Variants in DOCK10 observed in about 807,000 individuals in gnomAD.
DOCK10 encodes dedicator of cytokinesis 10, also known as dedicator of cytokinesis protein 10.
A neutral mutation model predicts 280.1 loss-of-function variants in DOCK10; 145 were observed. The ratio of observed to expected loss-of-function variants is 0.52; its 90% CI spans 0.45 to 0.59. DOCK10 has a LOEUF of 0.59. Among genes scored for constraint, DOCK10 ranks in the 20% least tolerant of loss-of-function variants. DOCK10 has a pLI of 0.00. For missense variants in DOCK10, 2,368 were observed against 2,651.7 expected, an observed-to-expected ratio of 0.89 and a Z score of 2.35; for synonymous variants, 915 against 942.2, an observed-to-expected ratio of 0.97 and a Z score of 0.53.
chr2:225,002,821 G>A (rs921820578), intron 1 of DOCK10, among the ~76,000 whole-genome samples: 1 of 152,144 alleles, frequency 6.6e-6, no homozygotes, highest in Non-Finnish European at 1.5e-5. Context: ...GATCGGGCAG[G>A]TGTAAACATC....
chr2:225,014,097 T>G (rs925734757), intron 1 of DOCK10, among the ~76,000 whole-genome samples: 6 of 60,196 alleles, frequency 1.0e-4, no homozygotes, highest in Non-Finnish European at 1.9e-4. Flanking sequence ...TTTTTTTTTT[T>G]GTTTTTTTTT....
chr2:224,809,760 G>A (rs995936442), intron 31 of DOCK10, among the ~76,000 whole-genome samples: 10 of 151,710 alleles, frequency 6.6e-5, no homozygotes, highest in Non-Finnish European at 7.4e-5. Flanking sequence ...GGTGGAATAC[G>A]GTCATTATAG....
intron 1 of DOCK10, among the ~76,000 whole-genome samples, chr2:224,975,309 G>A (rs1364168670): frequency 6.6e-6 from 1 of 152,084 alleles, no homozygotes; most frequent in Admixed American, 6.6e-5. Flanking sequence ...TAGTTCACAA[G>A]GGAAAATACC....
At chr2:224,978,949 TTTTCC>T (rs71062968) in intron 1 of DOCK10, among the ~76,000 whole-genome samples, 36,783 of 151,890 alleles carry the variant, frequency 0.24, 4,971 homozygotes, top group South Asian at 0.32. Context: ...CTCTGACACC[TTTTCC>T]TTTCCCACAC....
intron 15 of DOCK10, 30 bp from the exon 16 acceptor site, chr2:224,855,072 C>A (rs1158854623): frequency 1.0e-6 from 1 of 1,000,732 alleles, no homozygotes; most frequent in Non-Finnish European, 1.5e-6. Context: ...AGGACACACA[C>A]ACACACACAC....
chr2:224,819,384 CTACTT>C, intron 29 of DOCK10, 57 bp downstream of exon 29: 1 of 1,119,056 alleles, frequency 8.9e-7, no homozygotes, highest in Non-Finnish European at 1.3e-6. Context: ...TCCACAGAGA[CTACTT>C]TATTTATTTA....
chr2:224,797,784 G>T (rs1281639001), intron 42 of DOCK10, 48 bp downstream of exon 42: 9 of 1,591,772 alleles, frequency 5.7e-6, no homozygotes, highest in Non-Finnish European at 7.7e-6. Flanking sequence ...TATTCTATGG[G>T]TTTACTGTCA....
In DOCK10 at chr2:224,841,915, A is replaced by G. The variant is rs745968895; in HGVS notation, c.2569-19T>C. 2 of 1,555,646 alleles carry G rather than the reference A, an allele frequency of 1.3e-6. No homozygotes were observed. The highest frequency in any genetic ancestry group is 8.9e-7 in the Non-Finnish European group (1 of 1,126,972). On this transcript the variant is annotated intron_variant, in intron 22 of 55. Coordinates refer to ENST00000258390, the MANE Select transcript of DOCK10 (RefSeq NM_014689.3). ...GTGGATCCTACAACAGCAAAAAAAA[A>G]GTATTTATTTCTGATGACACGTAAA...
At chr2:224,926,448 C>T (rs1226686186) in intron 2 of DOCK10, among the ~76,000 whole-genome samples, 3 of 152,164 alleles carry the variant, frequency 2.0e-5, no homozygotes, top group African/African-American at 7.2e-5. Flanking sequence ...CGCCTGTAAT[C>T]CCAGCACTTT....
intron 41 of DOCK10, among the ~76,000 whole-genome samples, chr2:224,798,310 T>C (rs1692730137): frequency 6.6e-6 from 1 of 151,954 alleles, no homozygotes; most frequent in Non-Finnish European, 1.5e-5. Context: ...GACTGTCCTG[T>C]GGGGGAGAAA....
intron 3 of DOCK10, among the ~76,000 whole-genome samples, chr2:224,898,671 G>A (rs549775891): frequency 1.1e-4 from 16 of 152,196 alleles, no homozygotes; most frequent in Non-Finnish European, 2.1e-4. Context: ...CCTCCTGCCG[G>A]GTTCACACCA....
intron 1 of DOCK10, among the ~76,000 whole-genome samples, chr2:224,982,049 A>C (rs1427917582): frequency 6.6e-6 from 1 of 152,214 alleles, no homozygotes; most frequent in African/African-American, 2.4e-5. Flanking sequence ...TGAATGATAG[A>C]AATAGTTCCG....
chr2:224,889,642 T>C (rs1308320209), intron 4 of DOCK10, among the ~76,000 whole-genome samples: 1 of 152,222 alleles, frequency 6.6e-6, no homozygotes, highest in Non-Finnish European at 1.5e-5. Context: ...TAACTTGTTC[T>C]GCCTCTTTTG....
chr2:224,874,326 A>G lies in DOCK10; in HGVS notation c.1041T>C (p.Thr347=). 1 of 1,612,788 alleles carries G rather than the reference A, an allele frequency of 6.2e-7. No individual in the cohort carries two copies. The highest frequency in any genetic ancestry group is 1.1e-5 in the South Asian group (1 of 90,806). Residue 347 remains threonine (T), a synonymous_variant, in exon 10 of 56, where the codon ACT becomes ACC. Coordinates refer to ENST00000258390, the MANE Select transcript of DOCK10 (RefSeq NM_014689.3). ...TCTCCATGTTTCGAGTTGTTTTTAC[A>G]GTATCTTCTGTTTCTGTGAGGTACT... The part of the protein sequence containing the change: ...FAKYLTETED[T]VKTTRNMERL...
At chr2:224,823,705 A>T in intron 27 of DOCK10, 58 bp from the exon 28 acceptor site, 1 of 1,446,942 alleles carries the variant, frequency 6.9e-7, no homozygotes, top group Non-Finnish European at 9.2e-7. Flanking sequence ...TAAGCCGAGG[A>T]AGTATCAACT....
At position 224,876,097 on chromosome 2, in the gene DOCK10, A is replaced by AT; in HGVS notation, c.871dup (p.Ile291AsnfsTer4). 1 of 1,613,908 alleles carries AT rather than the reference A, an allele frequency of 6.2e-7. No individual in the cohort carries two copies. Among genetic ancestry groups the AT allele is most frequent in the Non-Finnish European group, 8.5e-7 (1 of 1,179,870 alleles). Reference sequence around the variant, plus strand: ...CCCTTGGAGGGGCCCCTCAGGACTGATTTGCAGAATGCGGTTGAGGGTGTG... The same window carrying AT: ...CCCTTGGAGGGGCCCCTCAGGACTGATTTTGCAGAATGCGGTTGAGGGTGTG... On this transcript the variant is annotated frameshift_variant, in exon 8 of 56. Coordinates refer to ENST00000258390, the MANE Select transcript of DOCK10 (RefSeq NM_014689.3). LOFTEE classifies it high-confidence loss of function.
intron 1 of DOCK10, among the ~76,000 whole-genome samples, chr2:224,997,231 C>T (rs1197823559): frequency 3.5e-5 from 5 of 141,484 alleles, no homozygotes; most frequent in Admixed American, 7.0e-5. Context: ...TCCTTCCTTC[C>T]TTCCTTCCTT....
rs749275100 is a variant in DOCK10, at chr2:224,919,018, C to A, written c.244-2234G>T. On this transcript the variant is annotated intron_variant, in intron 2 of 55. Transcript: ENST00000258390. ...TGTATGTGTATGTGTGATGTATATA[C>A]GCACAGGGTGTGTGTGGTGAGTGTA... Among the ~76,000 whole-genome samples the A allele has an allele frequency of 4.3e-5, 5 of 117,222 alleles. No homozygotes were observed. In the East Asian group the frequency reaches 1.4e-3, roughly 33 times the overall value. The allele number at this position is 117,222 out of a possible 152,430, so 76.9% of individuals were successfully genotyped here.
At chr2:224,986,584 C>T (rs1005424515) in intron 1 of DOCK10, among the ~76,000 whole-genome samples, 3 of 151,260 alleles carry the variant, frequency 2.0e-5, no homozygotes, top group African/African-American at 7.3e-5. Flanking sequence ...GAACTAATGT[C>T]CTTATAAGAA....
Sources: gnomAD v4.1 joint callset for allele counts (sites outside exome capture counted in the v4.1 genomes callset) on GRCh38, gnomAD v4.1.1 for gene constraint, MANE v1.5 for transcripts, NCBI Gene and HGNC (gene_info 2026-07-23, HGNC 2026-07-21) for gene names.